The following CCN5 variants were observed in gnomAD, a reference collection of about 807,000 sequenced individuals.
CCN5 encodes the protein cellular communication network factor 5, also known as CCN family member 5.
A neutral mutation model predicts 18.7 loss-of-function variants in CCN5; 17 were observed. The ratio of observed to expected loss-of-function variants is 0.91; its 90% confidence interval spans 0.62 to 1.36. The LOEUF is 1.36. Ranked by LOEUF, CCN5 falls within the 40% of genes most tolerant of loss-of-function variation. The probability of loss-of-function intolerance (pLI) is 0.00; values close to 1 mark genes in which losing one functional copy is unlikely to be tolerated. For missense variants in CCN5, 367 were observed against 342.9 expected (o/e 1.07, Z -0.56); for synonymous variants, 135 against 145.2 (o/e 0.93, Z 0.50).
In CCN5 at chr20:44,724,734, G is replaced by A. The variant is rs371786294; in HGVS notation, c.278-4G>A. On this transcript the variant is annotated splice_polypyrimidine_tract_variant and splice_region_variant and intron_variant, in intron 2 of 3. Coordinates refer to ENST00000190983, the MANE Select transcript of CCN5 (RefSeq NM_003881.4). ...CCGATGGGGGTGCGGTTTTTCCTCC[G>A]CAGTGGCAGAGGACGACAGCAGCTG... 6 of 1,612,288 alleles carry A rather than the reference G, an allele frequency of 3.7e-6. No individual in the cohort carries two copies. In the African/African-American group the frequency reaches 6.7e-5, roughly 18 times the overall value.
intron 3 of CCN5, 53 bp from the exon 4 acceptor site, chr20:44,727,034 T>G (rs969706039): frequency 8.8e-6 from 13 of 1,481,432 alleles, no homozygotes; most frequent in South Asian, 1.4e-5. Flanking sequence ...GTGGGTTGAT[T>G]GAGCTGCTGA....
upstream of CCN5, chr20:44,715,095 C>T (rs1040043787): frequency 3.1e-5 from 11 of 357,642 alleles, no homozygotes; most frequent in East Asian, 4.3e-4. Context: ...CACACACACG[C>T]GCACACACAC....
chr20:44,724,457 CAAG>C (rs1222300483), intron 2 of CCN5: 3 of 494,252 alleles, frequency 6.1e-6, no homozygotes, highest in Non-Finnish European at 1.1e-5. Context: ...GAAACTGAGG[CAAG>C]AAGAAGTGAA....
At chr20:44,724,482 C>A in intron 2 of CCN5, 1 of 528,702 alleles carries the variant, frequency 1.9e-6, no homozygotes, top group Non-Finnish European at 3.3e-6. Flanking sequence ...TCACTTGGCC[C>A]AGGTTCACAG....
At position 44,727,150 on chromosome 20, in the gene CCN5, C is replaced by T. The variant is rs755547833; in HGVS notation, c.596C>T (p.Thr199Met). 46 of 1,613,144 alleles carry T rather than the reference C, an allele frequency of 2.9e-5. No individual in the cohort carries two copies. The highest frequency in any genetic ancestry group is 2.0e-4 in the Admixed American group (12 of 59,918). The change falls in exon 4 of 4, where the codon ACG becomes ATG. Residue 199 changes from threonine to methionine, a missense_variant. Transcript: ENST00000190983. ...PPGVPCPEWS[T>M]AWGPCSTTCG... ...GGTGTCCCCTGCCCAGAATGGAGCA[C>T]GGCCTGGGGACCCTGCTCGACCACC...
upstream of CCN5, chr20:44,715,105 C>T (rs904739393): frequency 8.2e-5 from 36 of 437,764 alleles, no homozygotes; most frequent in African/African-American, 7.1e-4. Context: ...CGCACACACA[C>T]ACACACACAC....
intron 3 of CCN5, 141 bp from the exon 4 acceptor site, chr20:44,726,946 T>C (rs1229558508): frequency 2.5e-6 from 2 of 807,846 alleles, no homozygotes; most frequent in African/African-American, 1.7e-5. Context: ...CCATCCACTG[T>C]TAAGAAATTT....
chr20:44,726,646 A>G lies in CCN5; in HGVS notation c.533-441A>G, dbSNP rs183493681. Among the ~76,000 whole-genome samples the G allele has an allele frequency of 2.0e-5, 3 of 152,288 alleles. No homozygotes were observed. In the East Asian group the frequency reaches 5.8e-4, roughly 29 times the overall value. On this transcript the variant is annotated intron_variant, in intron 3 of 3. Coordinates refer to ENST00000190983, the MANE Select transcript of CCN5 (RefSeq NM_003881.4). ...AGGACACCAAAATACTCACAGAGGG[A>G]GACTTGGAGCAGAGAAAAAGCTAGA...
At chr20:44,720,215 G>A in intron 2 of CCN5, 102 bp downstream of exon 2, 3 of 1,269,400 alleles carry the variant, frequency 2.4e-6, no homozygotes, top group South Asian at 1.3e-5. Flanking sequence ...ACCTCCTTGG[G>A]TGCTCACTTC....
In CCN5 at chr20:44,717,652, G is replaced by A. The variant is rs1015186080; in HGVS notation, c.60+2202G>A. Among the ~76,000 whole-genome samples, 4 of 152,058 alleles carry A rather than the reference G, an allele frequency of 2.6e-5. No individual in the cohort carries two copies. In the East Asian group the frequency reaches 7.7e-4, roughly 29 times the overall value. ...AGCACTTTGGGAGGCCGAGGTGGGT[G>A]GATCATGAGGTCAGGAGTTTGAGAC... On this transcript the variant is annotated intron_variant, in intron 1 of 3. Coordinates refer to ENST00000190983, the MANE Select transcript of CCN5 (RefSeq NM_003881.4).
chr20:44,720,101 G>A lies in CCN5; in HGVS notation c.265G>A (p.Ala89Thr), dbSNP rs772635492. ...CGGGGCAGGACCCGGTGGCCGGGGGGCCCTGTGCCTCTGTAAGCAGGTTTG... is the reference window on the plus strand; with the variant it reads ...CGGGGCAGGACCCGGTGGCCGGGGGACCCTGTGCCTCTGTAAGCAGGTTTG... ...QPGAGPGGRG[A>T]LCLLAEDDSS... The change falls in exon 2 of 4, where the codon GCC (alanine) becomes ACC (threonine). Residue 89 changes from alanine to threonine, a missense_variant. Coordinates refer to ENST00000190983, the MANE Select transcript of CCN5 (RefSeq NM_003881.4). 2.6e-6 allele frequency: 4 copies of A among 1,549,884 alleles called. No individual in the cohort carries two copies. Among genetic ancestry groups the A allele is most frequent in the Non-Finnish European group, 3.5e-6 (4 of 1,153,974 alleles).
rs1455358961 is a variant in CCN5, at chr20:44,720,010, G to A, written c.174G>A (p.Arg58=). ...DGCGCCRVCA[R]RLGEPCDQLH... Reference sequence around the variant, plus strand: ...GTGGCTGCTGCCGGGTATGTGCACGGCGGCTGGGGGAGCCCTGCGACCAAC... The same window carrying A: ...GTGGCTGCTGCCGGGTATGTGCACGACGGCTGGGGGAGCCCTGCGACCAAC... Residue 58 remains arginine, a synonymous_variant, in exon 2 of 4, where the codon CGG becomes CGA. Coordinates refer to ENST00000190983, the MANE Select transcript of CCN5 (RefSeq NM_003881.4). 3.7e-6 allele frequency: 6 copies of A among 1,609,632 alleles called. No homozygotes were observed. In the African/African-American group the frequency reaches 8.0e-5, roughly 21 times the overall value.
chr20:44,725,103 C>T, intron 3 of CCN5, 111 bp downstream of exon 3: 1 of 1,365,096 alleles, frequency 7.3e-7, no homozygotes, highest in East Asian at 2.7e-5. Context: ...AGGGACACAT[C>T]AGAAGCTGGG....
chr20:44,717,733 G>C (rs1282965326), intron 1 of CCN5, among the ~76,000 whole-genome samples: 1 of 151,940 alleles, frequency 6.6e-6, no homozygotes, highest in African/African-American at 2.4e-5. Context: ...AAAATTAGCT[G>C]GGCATGGTGG....
At chr20:44,726,945 G>C in intron 3 of CCN5, 142 bp from the exon 4 acceptor site, 1 of 807,096 alleles carries the variant, frequency 1.2e-6, no homozygotes, top group South Asian at 2.0e-5. Context: ...GCCATCCACT[G>C]TTAAGAAATT....
chr20:44,717,339 A>G (rs1331660270), intron 1 of CCN5, among the ~76,000 whole-genome samples: 2 of 152,214 alleles, frequency 1.3e-5, no homozygotes, highest in African/African-American at 4.8e-5. Flanking sequence ...TCTCCTGGGT[A>G]TCGGGGCCTA....
At chr20:44,715,259 G>GCA (rs2065849340), upstream of CCN5, 3 of 133,184 alleles carry the variant, frequency 2.3e-5, no homozygotes. Flanking sequence ...GTGTGTGTGT[G>GCA]TGAGCGCGCG....
At chr20:44,723,975 A>C (rs2065917895) in intron 2 of CCN5, 1 of 152,288 alleles carries the variant, frequency 6.6e-6, no homozygotes, top group African/African-American at 2.4e-5. Context: ...TGGCCGCCCC[A>C]GCCCTCAAGG....
chr20:44,722,710 G>C (rs1486432268), intron 2 of CCN5, among the ~76,000 whole-genome samples: 2 of 151,972 alleles, frequency 1.3e-5, no homozygotes, highest in Non-Finnish European at 2.9e-5. Context: ...CTGACCTCAA[G>C]TGATCCACCC....
Sources: gnomAD v4.1 joint callset for allele counts (sites outside exome capture counted in the v4.1 genomes callset) on GRCh38, gnomAD v4.1.1 for gene constraint, MANE v1.5 for transcripts, NCBI Gene and HGNC (gene_info 2026-07-23, HGNC 2026-07-21) for gene names.